Variants in FOXJ2 observed in about 807,000 individuals in gnomAD.
FOXJ2 encodes the protein forkhead box J2.
Under a neutral mutation model 68.4 loss-of-function variants are expected in FOXJ2, and 18 were observed. The observed-to-expected ratio is 0.26, with a 90% CI of 0.18 to 0.39. The LOEUF is 0.39. FOXJ2 is among the 10% of genes least tolerant of loss of function. FOXJ2 has a pLI of 1.00. For missense variants in FOXJ2, 670 were observed against 726.5 expected (o/e 0.92, Z 0.89); for synonymous variants, 274 against 263.2 (o/e 1.04, Z -0.40).
At chr12:8,034,260 G>A (rs1487039407) in intron 1 of FOXJ2, among the ~76,000 whole-genome samples, 2 of 152,122 alleles carry the variant, frequency 1.3e-5, no homozygotes, top group African/African-American at 2.4e-5. Context: ...GGCATCTGGG[G>A]TCCTGGCCTT....
intron 10 of FOXJ2, among the ~76,000 whole-genome samples, chr12:8,051,607 T>A (rs760494976): frequency 6.6e-6 from 1 of 152,194 alleles, no homozygotes; most frequent in Non-Finnish European, 1.5e-5. Flanking sequence ...ATGTCTGCTT[T>A]CCTGTCACCT....
chr12:8,052,924 C>T lies in FOXJ2; in HGVS notation c.*74C>T. On this transcript the variant is annotated 3_prime_UTR_variant, in exon 11 of 11. Transcript: ENST00000162391. ...GCAGTGGGGAAAGAGCAACCCCAGC[C>T]CGTCCCTTCCCCCCGTCTGTATATA... 1 of 1,120,896 alleles carries T rather than the reference C, an allele frequency of 8.9e-7. No individual in the cohort carries two copies. The highest frequency in any genetic ancestry group is 1.3e-6 in the Non-Finnish European group (1 of 756,692). 69.4% of individuals were successfully genotyped at this position (1,120,896 alleles called of 1,614,324 possible).
intron 1 of FOXJ2, among the ~76,000 whole-genome samples, chr12:8,036,385 TG>T (rs1946895569): frequency 6.6e-6 from 1 of 152,248 alleles, no homozygotes; most frequent in African/African-American, 2.4e-5. Flanking sequence ...TCTATGTGTC[TG>T]TTTTTCTCTG....
At chr12:8,052,532 G>C (rs1020318801) in intron 10 of FOXJ2, among the ~76,000 whole-genome samples, 7 of 152,280 alleles carry the variant, frequency 4.6e-5, no homozygotes, top group Non-Finnish European at 4.4e-5. Flanking sequence ...AAGTATAATT[G>C]TTAATGGCAG....
intron 6 of FOXJ2, among the ~76,000 whole-genome samples, chr12:8,045,642 G>A (rs1947026907): frequency 6.6e-6 from 1 of 151,716 alleles, no homozygotes; most frequent in Admixed American, 6.6e-5. Context: ...GTGAGCCACC[G>A]TGCCCGGCCA....
intron 5 of FOXJ2, 142 bp downstream of exon 5, chr12:8,044,233 A>C: frequency 1.2e-5 from 13 of 1,067,934 alleles, no homozygotes; most frequent in Non-Finnish European, 1.6e-5. Context: ...AAAAGAGGGA[A>C]ATAGAGAGAG....
chr12:8,050,386 G>C (rs938565298), intron 9 of FOXJ2, 136 bp from the exon 10 acceptor site: 7 of 1,412,408 alleles, frequency 5.0e-6, no homozygotes, highest in Non-Finnish European at 6.5e-6. Context: ...AAGCCTTCAT[G>C]CCTGCAGGAG....
chr12:8,046,270 G>A (rs1311499199), intron 6 of FOXJ2, among the ~76,000 whole-genome samples: 1 of 152,162 alleles, frequency 6.6e-6, no homozygotes, highest in Admixed American at 6.5e-5. Context: ...TTACATTTAT[G>A]TTACTTTTAT....
At chr12:8,050,344 C>A (rs1947099862) in intron 9 of FOXJ2, 178 bp from the exon 10 acceptor site, 13 of 1,371,450 alleles carry the variant, frequency 9.5e-6, no homozygotes, top group African/African-American at 1.5e-5. Flanking sequence ...TTCTTTTTAC[C>A]CTCAGTGGTG....
chr12:8,041,718 C>T (rs758315663), intron 2 of FOXJ2, among the ~76,000 whole-genome samples: 12 of 151,928 alleles, frequency 7.9e-5, no homozygotes, highest in East Asian at 7.8e-4. Context: ...CTGTGTTGCC[C>T]AAGCTGGCCT....
chr12:8,037,117 A>AAAAG (rs1214619815), intron 1 of FOXJ2, among the ~76,000 whole-genome samples: 9 of 152,106 alleles, frequency 5.9e-5, no homozygotes, highest in Non-Finnish European at 1.2e-4. Flanking sequence ...CAAAACAAAA[A>AAAAG]CAAAAAACAC....
intron 10 of FOXJ2, among the ~76,000 whole-genome samples, chr12:8,051,015 TTTCCC>T (rs1229710756): frequency 7.7e-5 from 7 of 91,382 alleles, no homozygotes; most frequent in Non-Finnish European, 1.1e-4. Context: ...TCCCCTTCCC[TTTCCC>T]TTCCCTTCCC....
At position 8,044,634 on chromosome 12, in the gene FOXJ2, A is replaced by C. The variant is rs191217748; in HGVS notation, c.619-126A>C. 6,042 of 871,152 alleles carry C rather than the reference A, an allele frequency of 6.9e-3. 83 individuals carry two copies. The highest frequency in any genetic ancestry group is 5.3e-3 in the Non-Finnish European group (2,909 of 552,996). The allele number at this position is 871,152 out of a possible 1,614,324, so 54.0% of individuals were successfully genotyped here. A position where few individuals can be genotyped will look rare whatever the true frequency, so the allele number is the denominator to read the frequency against. ...CTAATGAGGAAAGAAGGAGAAAATG[A>C]TGCTGGGTCATTGAAGAGCTAGGCG... On this transcript the variant is annotated intron_variant, in intron 5 of 10. Transcript: ENST00000162391.
In FOXJ2 at chr12:8,046,082, C is replaced by T. The variant is rs994772075; in HGVS notation, c.817+1124C>T. On this transcript the variant is annotated intron_variant, in intron 6 of 10. Coordinates refer to ENST00000162391, the MANE Select transcript of FOXJ2 (RefSeq NM_018416.3). ...GTGCAAATACAGCTGTTTCAGGAGG[C>T]AAGCTAGGCTAATAGCTTCAGAAAG... Among the ~76,000 whole-genome samples, 8 of 152,200 alleles carry T rather than the reference C, an allele frequency of 5.3e-5. No individual in the cohort carries two copies. The South Asian group carries it at 1.7e-3, about 31-fold the overall frequency.
Position 8,039,518 on chromosome 12 carries a change from T to C in FOXJ2, c.-14-301T>C, listed in dbSNP as rs375196905. ...ATTCCTACATAGTTTAAAAATACTA[T>C]GTTGTAGGGCTATGAGTAAGGTGAA... On this transcript the variant is annotated intron_variant, in intron 1 of 10. Coordinates refer to ENST00000162391, the MANE Select transcript of FOXJ2 (RefSeq NM_018416.3). 6.6e-5 allele frequency among the ~76,000 whole-genome samples: 10 copies of C among 152,328 alleles called. No homozygotes were observed. In the South Asian group the frequency reaches 1.9e-3, roughly 28 times the overall value.
Position 8,032,846 on chromosome 12 carries a change from G to A in FOXJ2, c.-1002G>A. The A allele has an allele frequency of 1.3e-5, 5 of 398,290 alleles. No individual in the cohort carries two copies. 24.7% of individuals were successfully genotyped at this position (398,290 alleles called of 1,614,324 possible). A position where few individuals can be genotyped will look rare whatever the true frequency, so the allele number is the denominator to read the frequency against. ...CGCGGGGAGCCCCACGCGCCGAAGG[G>A]AGCGGACCCGACAGGACGGCCCTAG... On this transcript the variant is annotated 5_prime_UTR_variant, in exon 1 of 11. Coordinates refer to ENST00000162391, the MANE Select transcript of FOXJ2 (RefSeq NM_018416.3). The surrounding 1 kb of genome is among the most constrained non-coding windows in gnomAD (Gnocchi z 4.8).
rs1050850491 is a variant in FOXJ2 at position 8,038,041 on chromosome 12, C to T, written c.-14-1778C>T. ...ACATGCCAGCCCCCCTCGCTCCGCC[C>T]CTTTTCTCCTGTCAAACAATTCTTG... On this transcript the variant is annotated intron_variant, in intron 1 of 10. Transcript: ENST00000162391. The surrounding 1 kb of genome is among the most constrained non-coding windows in gnomAD (Gnocchi z 5.3). 6.6e-6 allele frequency among the ~76,000 whole-genome samples: 1 copy of T among 152,194 alleles called. No individual in the cohort carries two copies. The highest frequency in any genetic ancestry group is 1.5e-5 in the Non-Finnish European group (1 of 68,032).
intron 2 of FOXJ2, among the ~76,000 whole-genome samples, chr12:8,041,744 A>C (rs1289673274): frequency 6.6e-6 from 1 of 151,904 alleles, no homozygotes; most frequent in Non-Finnish European, 1.5e-5. Flanking sequence ...TTCTAGACTC[A>C]AGTGATCTTC....
intron 1 of FOXJ2, among the ~76,000 whole-genome samples, chr12:8,036,437 G>A (rs1368109362): frequency 6.6e-6 from 1 of 152,124 alleles, no homozygotes; most frequent in Admixed American, 6.5e-5. Flanking sequence ...ACGTCGTGTG[G>A]ATGTGATGGA....
Sources: allele counts gnomAD v4.1 joint callset (sites outside exome capture counted in the v4.1 genomes callset), GRCh38; gene constraint gnomAD v4.1.1; non-coding constraint Gnocchi (gnomAD v3.1); transcripts MANE v1.5; gene names NCBI Gene and HGNC (gene_info 2026-07-23, HGNC 2026-07-21).